E2F6: variants seen among roughly 807,000 people sequenced by gnomAD.
E2F6 encodes transcription factor E2F6.
E2F6 carries 19 observed loss-of-function variants against 31.5 expected under a neutral mutation model. The ratio of observed to expected loss-of-function variants is 0.60; its 90% confidence interval spans 0.42 to 0.89. The LOEUF (loss-of-function observed/expected upper bound fraction) is 0.89, where lower values mean the gene tolerates loss of function less well. E2F6 is among the 40% of genes least tolerant of loss of function. E2F6 has a pLI of 0.00. For synonymous variants in E2F6, 121 were observed against 127.7 expected (o/e 0.95, Z 0.36); for missense variants, 269 against 341.6 (o/e 0.79, Z 1.67).
intron 5 of E2F6, among the ~76,000 whole-genome samples, chr2:11,449,119 T>C (rs1244037405): frequency 2.0e-5 from 3 of 152,242 alleles, no homozygotes; most frequent in South Asian, 4.1e-4. Flanking sequence ...GAATGAATTA[T>C]TATGCCCCAA....
intron 1 of E2F6, among the ~76,000 whole-genome samples, chr2:11,463,332 C>T (rs766829773): frequency 3.3e-5 from 5 of 152,130 alleles, no homozygotes; most frequent in African/African-American, 1.2e-4. Context: ...CTAATTCCCC[C>T]GAAGGAGTAG....
intron 1 of E2F6, among the ~76,000 whole-genome samples, chr2:11,460,461 C>T (rs2148358871): frequency 6.6e-6 from 1 of 152,302 alleles, no homozygotes; most frequent in East Asian, 1.9e-4. Flanking sequence ...CTAGGAGTTA[C>T]ACTAGCAGCC....
intron 2 of E2F6, chr2:11,455,474 A>T: frequency 7.7e-7 from 1 of 1,298,016 alleles, no homozygotes; most frequent in Non-Finnish European, 1.0e-6. Context: ...CCATTCCTAC[A>T]CTTAAGATTA....
At chr2:11,459,825 A>G (rs1398999557) in intron 1 of E2F6, among the ~76,000 whole-genome samples, 79 of 152,168 alleles carry the variant, frequency 5.2e-4, no homozygotes, top group Non-Finnish European at 1.8e-4. Context: ...CAGGGGTTGC[A>G]GTGAGCTGAG....
At chr2:11,447,409 G>C (rs541663353) in intron 6 of E2F6, among the ~76,000 whole-genome samples, 1 of 152,098 alleles carries the variant, frequency 6.6e-6, no homozygotes, top group East Asian at 1.9e-4. Flanking sequence ...TATCACCATG[G>C]GACCAAACAG....
intron 5 of E2F6, among the ~76,000 whole-genome samples, 155 bp from the exon 6 acceptor site, chr2:11,447,929 A>G (rs147393250): frequency 2.6e-5 from 4 of 152,350 alleles, no homozygotes; most frequent in South Asian, 2.1e-4. Context: ...AGACAGCTAC[A>G]TGTGATCCTG....
intron 2 of E2F6, chr2:11,455,596 A>G: frequency 2.0e-6 from 1 of 510,958 alleles, no homozygotes; most frequent in Non-Finnish European, 3.3e-6. Flanking sequence ...TAAAAAGCAT[A>G]TATTTAATTA....
chr2:11,465,746 C>G (rs777733873), intron 1 of E2F6, 26 bp downstream of exon 1: 156 of 1,563,108 alleles, frequency 1.0e-4, no homozygotes, highest in Non-Finnish European at 1.3e-4. Flanking sequence ...GACCACCGCC[C>G]GTCCCCGTCC....
At chr2:11,452,822 T>C (rs1443701130) in intron 3 of E2F6, among the ~76,000 whole-genome samples, 1 of 152,230 alleles carries the variant, frequency 6.6e-6, no homozygotes, top group African/African-American at 2.4e-5. Flanking sequence ...AAGTGTTTTT[T>C]AGTGTTATTT....
Position 11,457,200 on chromosome 2 carries a change from C to T in E2F6, c.142G>A (p.Val48Ile), listed in dbSNP as rs756513662. ...TTACTTCTCATGGACACATATTGTA[C>T]ATTATCTTCTAAATTAATCCTTATT... ...SKIRINLEDN[V>I]QYVSMRKALK... The change falls in exon 2 of 7, where the codon GTA (valine) becomes ATA (isoleucine). Residue 48 changes from valine (V) to isoleucine (I), a missense_variant. Physicochemically the swap from Val to Ile is conservative, Grantham distance 29. Coordinates refer to ENST00000381525, the MANE Select transcript of E2F6 (RefSeq NM_198256.4). 6 of 1,571,426 alleles carry T rather than the reference C, an allele frequency of 3.8e-6. No homozygotes were observed. The highest frequency in any genetic ancestry group is 4.4e-6 in the Non-Finnish European group (5 of 1,144,096).
At chr2:11,447,576 A>G in intron 6 of E2F6, 51 bp downstream of exon 6, 1 of 1,582,390 alleles carries the variant, frequency 6.3e-7, no homozygotes, top group Non-Finnish European at 8.6e-7. Flanking sequence ...ACACATTAAT[A>G]AAATTATGCA....
intron 1 of E2F6, among the ~76,000 whole-genome samples, chr2:11,463,708 T>C (rs1671927925): frequency 6.6e-6 from 1 of 152,038 alleles, no homozygotes; most frequent in Non-Finnish European, 1.5e-5. Flanking sequence ...TCCCAGCACT[T>C]TGGGGAGCTG....
chr2:11,457,932 T>C (rs906113965), intron 1 of E2F6, among the ~76,000 whole-genome samples: 45 of 152,242 alleles, frequency 3.0e-4, no homozygotes, highest in African/African-American at 1.1e-3. Context: ...AAAGTTTCTT[T>C]TAAATTCCTG....
intron 1 of E2F6, chr2:11,458,459 G>A (rs1019505229): frequency 7.0e-6 from 8 of 1,147,230 alleles, no homozygotes; most frequent in Middle Eastern, 2.0e-4. Context: ...AGTGGCCAGT[G>A]TGTAAGTGAC....
At chr2:11,451,432 C>A (rs1671062881) in intron 4 of E2F6, 1 of 326,706 alleles carries the variant, frequency 3.1e-6, no homozygotes, top group Non-Finnish European at 5.5e-6. Context: ...CTCACAGCAA[C>A]CTCGGCCTCC....
chr2:11,453,449 T>C (rs1340231748), intron 3 of E2F6, 133 bp downstream of exon 3: 26 of 852,238 alleles, frequency 3.1e-5, no homozygotes, highest in South Asian at 5.4e-5. Flanking sequence ...GAAAATTTTA[T>C]AGAATTCTCT....
chr2:11,460,202 G>A (rs1671689551), intron 1 of E2F6, among the ~76,000 whole-genome samples: 1 of 152,220 alleles, frequency 6.6e-6, no homozygotes, highest in Non-Finnish European at 1.5e-5. Flanking sequence ...CTCCAAGCTG[G>A]TTAAACCTTT....
At chr2:11,465,518 T>C (rs1172800944) in intron 1 of E2F6, among the ~76,000 whole-genome samples, 2 of 152,224 alleles carry the variant, frequency 1.3e-5, no homozygotes, top group Non-Finnish European at 2.9e-5. Flanking sequence ...GACTCTCTAA[T>C]GCAAAGTTGA....
At chr2:11,465,240 G>A (rs929291336) in intron 1 of E2F6, among the ~76,000 whole-genome samples, 2 of 151,906 alleles carry the variant, frequency 1.3e-5, no homozygotes, top group East Asian at 3.9e-4. Context: ...TTTGTTGAGG[G>A]CCCTGATAAC....
Sources: gnomAD v4.1 joint callset for allele counts (sites outside exome capture counted in the v4.1 genomes callset) on GRCh38, gnomAD v4.1.1 for gene constraint, MANE v1.5 for transcripts, NCBI Gene and HGNC (gene_info 2026-07-23, HGNC 2026-07-21) for gene names.